Variants in PTPRG observed in about 807,000 individuals in gnomAD.
PTPRG encodes receptor-type tyrosine-protein phosphatase gamma.
A neutral mutation model predicts 165.3 loss-of-function variants in PTPRG; 102 were observed. That is an observed-to-expected ratio of 0.62 (90% CI 0.53 to 0.73). The LOEUF (loss-of-function observed/expected upper bound fraction) is 0.73. PTPRG is among the 30% of genes least tolerant of loss of function. The probability of loss-of-function intolerance (pLI) is 0.00; values close to 1 mark genes in which losing one functional copy is unlikely to be tolerated. For synonymous variants in PTPRG, 675 were observed against 669.5 expected (o/e 1.01, Z -0.13); for missense variants, 1,866 against 1,861.4 (o/e 1.00, Z -0.05).
chr3:62,234,416 T>A (rs1700977308), intron 14 of PTPRG, among the ~76,000 whole-genome samples: 1 of 152,172 alleles, frequency 6.6e-6, no homozygotes, highest in South Asian at 2.1e-4. Context: ...TTGCCCTCCA[T>A]AATGGGATAC....
chr3:62,012,213 G>A (rs2041440507), intron 4 of PTPRG, among the ~76,000 whole-genome samples: 1 of 152,242 alleles, frequency 6.6e-6, no homozygotes, highest in African/African-American at 2.4e-5. Context: ...AAGATGGAAA[G>A]ACTGAGCTTC....
intron 1 of PTPRG, among the ~76,000 whole-genome samples, chr3:61,731,779 G>A (rs938495342): frequency 4.6e-5 from 7 of 151,838 alleles, no homozygotes; most frequent in African/African-American, 7.2e-5. Flanking sequence ...GGAATGGAAC[G>A]TGAACTGCAT....
At chr3:62,001,418 C>G (rs1015336767) in intron 3 of PTPRG, among the ~76,000 whole-genome samples, 1 of 152,086 alleles carries the variant, frequency 6.6e-6, no homozygotes, top group African/African-American at 2.4e-5. Context: ...GTAACAGATG[C>G]AATCAAAACG....
At chr3:61,909,109 C>A (rs1575774478) in intron 2 of PTPRG, among the ~76,000 whole-genome samples, 1 of 152,166 alleles carries the variant, frequency 6.6e-6, no homozygotes, top group African/African-American at 2.4e-5. Context: ...CATTCCTTGG[C>A]CAATTTTGAG....
intron 2 of PTPRG, among the ~76,000 whole-genome samples, chr3:61,888,605 A>G (rs558139561): frequency 1.1e-4 from 16 of 152,298 alleles, no homozygotes; most frequent in African/African-American, 3.6e-4. Context: ...TGCTGGGATT[A>G]CACGCTTGAG....
chr3:61,628,727 G>T (rs1200064059), intron 1 of PTPRG, among the ~76,000 whole-genome samples: 1 of 152,110 alleles, frequency 6.6e-6, no homozygotes, highest in African/African-American at 2.4e-5. Flanking sequence ...TTGGAGGTGG[G>T]GTAAGGTAGG....
At chr3:62,238,988 A>G (rs1430244509) in intron 14 of PTPRG, among the ~76,000 whole-genome samples, 1 of 152,214 alleles carries the variant, frequency 6.6e-6, no homozygotes, top group African/African-American at 2.4e-5. Context: ...AAGGGCACAG[A>G]CAGCACCCAG....
intron 1 of PTPRG, among the ~76,000 whole-genome samples, chr3:61,671,903 C>G (rs1326677299): frequency 6.8e-6 from 1 of 146,496 alleles, no homozygotes; most frequent in African/African-American, 2.6e-5. Flanking sequence ...GGGGGCTGAT[C>G]CCCCCACCTC....
In PTPRG at chr3:62,195,075, G is replaced by T; in HGVS notation, c.1232G>T (p.Ser411Ile). 6.2e-7 allele frequency: 1 copy of T among 1,614,122 alleles called. No homozygotes were observed. The highest frequency in any genetic ancestry group is 8.5e-7 in the Non-Finnish European group (1 of 1,180,002). ...CTTTACTTACAGAAAGCCACCATTA[G>T]CCATGTCTCACCCGATAGCCTTTAC... ...DSDKDLKATI[S>I]HVSPDSLYLF... Residue 411 changes from serine (S) to isoleucine (I), a missense_variant, in exon 10 of 30, where the codon AGC (serine) becomes ATC (isoleucine). By Grantham distance (142) the Ser-to-Ile change is moderately radical. Around this residue, in one of 3 missense-constraint regions of PTPRG, gnomAD observed 1,452 missense variants for 1,463.0 expected, o/e 0.99. Coordinates refer to ENST00000474889, the MANE Select transcript of PTPRG (RefSeq NM_002841.4). This position sits in a 1 kb window ranked among gnomAD's most constrained non-coding sequence, Gnocchi z 4.4.
intron 2 of PTPRG, among the ~76,000 whole-genome samples, chr3:61,812,724 G>T (rs1269114625): frequency 6.6e-6 from 1 of 152,230 alleles, no homozygotes; most frequent in Admixed American, 6.5e-5. Flanking sequence ...GGGCTCCTCA[G>T]ATGTTCACCC....
rs568520884 is a variant in PTPRG, at chr3:61,950,976, C to T, written c.191-38649C>T. ...CCCAGCTGTCCCCAAGACATGCCAT[C>T]GCTCCCTTTCAGCCCATTGGCTCTG... is the stretch of plus-strand genomic sequence containing the variant. On this transcript the variant is annotated intron_variant, in intron 2 of 29. Coordinates refer to ENST00000474889, the MANE Select transcript of PTPRG (RefSeq NM_002841.4). Among the ~76,000 whole-genome samples the T allele has an allele frequency of 4.6e-5, 7 of 152,328 alleles. No individual in the cohort carries two copies. In the East Asian group the frequency reaches 7.7e-4, roughly 17 times the overall value.
At chr3:61,563,133 G>A (rs1165075411) in intron 1 of PTPRG, among the ~76,000 whole-genome samples, 2 of 151,004 alleles carry the variant, frequency 1.3e-5, no homozygotes, top group Admixed American at 6.6e-5. Context: ...GACGCGGGGA[G>A]GGGGCGGGGG....
chr3:62,034,698 C>T (rs573822717), intron 4 of PTPRG, among the ~76,000 whole-genome samples: 21 of 152,268 alleles, frequency 1.4e-4, no homozygotes, highest in Non-Finnish European at 2.5e-4. Context: ...AAGTCAGCAT[C>T]GCTCCACTCA....
At chr3:61,833,408 C>T (rs1184978916) in intron 2 of PTPRG, among the ~76,000 whole-genome samples, 1 of 152,066 alleles carries the variant, frequency 6.6e-6, no homozygotes, top group Non-Finnish European at 1.5e-5. Context: ...TTCAGAATGT[C>T]AGATCTTGCG....
At chr3:62,058,525 C>T (rs576275904) in intron 4 of PTPRG, among the ~76,000 whole-genome samples, 11 of 152,156 alleles carry the variant, frequency 7.2e-5, no homozygotes, top group African/African-American at 2.2e-4. Flanking sequence ...CCCCCTCCCC[C>T]TCATACACAC....
intron 3 of PTPRG, among the ~76,000 whole-genome samples, chr3:61,995,080 C>CTTTTTTTTTTTTTTTTTTTTTTTTTTT (rs1233679653): frequency 2.8e-5 from 3 of 107,400 alleles, no homozygotes; most frequent in South Asian, 3.1e-4. Flanking sequence ...TCTTTTCTTT[C>CTTTTTTTTTTTTTTTTTTTTTTTTTTT]TTTCTTTTTT....
At chr3:61,681,056 A>AAAAAAAAAC (rs1703424227) in intron 1 of PTPRG, among the ~76,000 whole-genome samples, 1 of 145,054 alleles carries the variant, frequency 6.9e-6, no homozygotes, top group African/African-American at 2.6e-5. Context: ...TTATGTTCTA[A>AAAAAAAAAC]AAAAAAAAAA....
chr3:61,953,486 G>A lies in PTPRG; in HGVS notation c.191-36139G>A, dbSNP rs954389558. 2.0e-5 allele frequency among the ~76,000 whole-genome samples: 3 copies of A among 152,224 alleles called. No individual in the cohort carries two copies. In the South Asian group the frequency reaches 6.2e-4, roughly 32 times the overall value. ...AGGAACGTGAGCACTTCTGGATGCC[G>A]GGCAGCACTTCTAAAGGTTACCTAC... is the stretch of plus-strand genomic sequence containing the variant. On this transcript the variant is annotated intron_variant, in intron 2 of 29. Coordinates refer to ENST00000474889, the MANE Select transcript of PTPRG (RefSeq NM_002841.4).
intron 5 of PTPRG, among the ~76,000 whole-genome samples, chr3:62,103,206 T>C (rs1157927331): frequency 4.8e-5 from 7 of 144,838 alleles, no homozygotes; most frequent in Non-Finnish European, 1.1e-4. Flanking sequence ...GACTGTGATC[T>C]TTCTGTGGCA....
Sources: allele counts gnomAD v4.1 joint callset (sites outside exome capture counted in the v4.1 genomes callset), GRCh38; gene constraint gnomAD v4.1.1; regional missense constraint gnomAD v4.1.1; non-coding constraint Gnocchi (gnomAD v3.1); transcripts MANE v1.5; gene names NCBI Gene and HGNC (gene_info 2026-07-23, HGNC 2026-07-21).